Variants in PCDHGB3 observed in about 807,000 individuals in gnomAD.
PCDHGB3 encodes protocadherin gamma-B3.
In PCDHGB3, 40 loss-of-function variants were observed where a neutral mutation model predicts 59.2. That is an observed-to-expected ratio of 0.68 (90% CI 0.52 to 0.88). The LOEUF (loss-of-function observed/expected upper bound fraction) is 0.88. PCDHGB3 is among the 40% of genes least tolerant of loss of function. The probability of loss-of-function intolerance (pLI) is 0.00; values close to 1 mark genes in which losing one functional copy is unlikely to be tolerated. For missense variants in PCDHGB3, 1,309 were observed against 1,187.9 expected, an observed-to-expected ratio of 1.10 and a Z score of -1.50; for synonymous variants, 581 against 503.6, an observed-to-expected ratio of 1.15 and a Z score of -2.06.
rs994878374 is a variant in PCDHGB3, at chr5:141,491,785, C to T, written c.2416-3022C>T. ...TCCTCATAAGGGATTGAACTTGCAT[C>T]CACTCCTCTCCGGCCGGCTTGGTCG... is the stretch of plus-strand genomic sequence containing the variant. On this transcript the variant is annotated intron_variant, in intron 1 of 3. Transcript: ENST00000576222. The surrounding 1 kb of genome is among the most constrained non-coding windows in gnomAD (Gnocchi z 6.9). 20 of 1,529,458 alleles carry T rather than the reference C, an allele frequency of 1.3e-5. No individual in the cohort carries two copies. Among genetic ancestry groups the T allele is most frequent in the Non-Finnish European group, 1.8e-5 (20 of 1,139,198 alleles). The allele number at this position is 1,529,458 out of a possible 1,614,324, so 94.7% of individuals were successfully genotyped here. A position where few individuals can be genotyped will look rare whatever the true frequency, so the allele number is the denominator to read the frequency against.
chr5:141,422,056 G>C lies in PCDHGB3; in HGVS notation c.2415+49247G>C, dbSNP rs1003977721. 1.2e-6 allele frequency: 2 copies of C among 1,611,816 alleles called. No individual in the cohort carries two copies. The highest frequency in any genetic ancestry group is 2.7e-5 in the African/African-American group (2 of 74,764). ...GGATCCAGACGAGGGAATCAACGGG[G>C]AAGTAATGTATTCATTTCGGAACAT... On this transcript the variant is annotated intron_variant, in intron 1 of 3. Transcript: ENST00000576222.
intron 2 of PCDHGB3, among the ~76,000 whole-genome samples, chr5:141,496,557 C>T (rs190275684): frequency 2.0e-5 from 3 of 152,258 alleles, no homozygotes; most frequent in Admixed American, 1.3e-4. Flanking sequence ...TGGGCATGCA[C>T]AGTCCTGTCA....
chr5:141,424,232 C>A (rs182055138), intron 1 of PCDHGB3: 1 of 158,642 alleles, frequency 6.3e-6, no homozygotes, highest in East Asian at 1.9e-4. Context: ...TATTTTGATT[C>A]TTGGTGGCTG....
intron 1 of PCDHGB3, chr5:141,405,186 G>A (rs762537440): frequency 6.2e-6 from 10 of 1,612,892 alleles, no homozygotes; most frequent in Non-Finnish European, 8.5e-6. Context: ...GGTGTAGATG[G>A]GGTTCGAGCT....
In PCDHGB3 at chr5:141,485,896, C is replaced by T; in HGVS notation, c.2416-8911C>T. On this transcript the variant is annotated intron_variant, in intron 1 of 3. Coordinates refer to ENST00000576222, the MANE Select transcript of PCDHGB3 (RefSeq NM_018924.5). The surrounding 1 kb of genome is among the most constrained non-coding windows in gnomAD (Gnocchi z 5.7). ...TGGACGTAAACGACAACGCCCCAGC[C>T]TTCCAGCAATCCAGCTACAGGATTA... 6.2e-7 allele frequency: 1 copy of T among 1,614,190 alleles called. No individual in the cohort carries two copies. The highest frequency in any genetic ancestry group is 8.5e-7 in the Non-Finnish European group (1 of 1,180,042).
At chr5:141,422,307 C>T in intron 1 of PCDHGB3, 4 of 1,547,552 alleles carry the variant, frequency 2.6e-6, no homozygotes, top group South Asian at 1.3e-5. Flanking sequence ...TTCTGGAAAA[C>T]TCTCCTCCAG....
chr5:141,374,708 C>T (rs974732178), intron 1 of PCDHGB3: 3 of 1,609,146 alleles, frequency 1.9e-6, no homozygotes, highest in South Asian at 2.2e-5. Flanking sequence ...AGCCGTTTAC[C>T]GCCTGGTCCT....
chr5:141,461,138 C>T (rs1416058747), intron 1 of PCDHGB3, among the ~76,000 whole-genome samples: 1 of 151,942 alleles, frequency 6.6e-6, no homozygotes, highest in East Asian at 1.9e-4. Flanking sequence ...ACTTATTTTC[C>T]TTTGGGTAGA....
At chr5:141,454,796 A>ATTTTTTTTTTTTTTTTTTTTTTTT (rs61612330) in intron 1 of PCDHGB3, among the ~76,000 whole-genome samples, 4 of 77,456 alleles carry the variant, frequency 5.2e-5, no homozygotes, top group Non-Finnish European at 9.3e-5. Flanking sequence ...CATGGTTCTA[A>ATTTTTTTTTTTTTTTTTTTTTTTT]TTTTTTTTTT....
chr5:141,444,640 G>A (rs192148868), intron 1 of PCDHGB3, among the ~76,000 whole-genome samples: 3 of 152,196 alleles, frequency 2.0e-5, no homozygotes, highest in Non-Finnish European at 2.9e-5. Flanking sequence ...GTTCATTGAG[G>A]TAGGGGTTGA....
chr5:141,392,542 A>C (rs2092551305), intron 1 of PCDHGB3: 1 of 323,320 alleles, frequency 3.1e-6, no homozygotes, highest in African/African-American at 2.1e-5. Flanking sequence ...ATTTAGAAGT[A>C]ATCTGTATCT....
chr5:141,392,713 G>A, intron 1 of PCDHGB3: 3 of 1,363,444 alleles, frequency 2.2e-6, no homozygotes, highest in Non-Finnish European at 2.9e-6. Context: ...AGGCACTCCA[G>A]GTTTCCGGAG....
At chr5:141,463,784 T>G (rs2099069378) in intron 1 of PCDHGB3, among the ~76,000 whole-genome samples, 1 of 152,194 alleles carries the variant, frequency 6.6e-6, no homozygotes, top group South Asian at 2.1e-4. Context: ...CTGCACTGTC[T>G]TTTGAACAAA....
intron 1 of PCDHGB3, chr5:141,374,361 A>G (rs1418865389): frequency 6.2e-7 from 1 of 1,614,016 alleles, no homozygotes; most frequent in East Asian, 2.2e-5. Flanking sequence ...ATAGACCGCG[A>G]GGAGCTCTGT....
intron 1 of PCDHGB3, chr5:141,421,683 A>G (rs1238944281): frequency 1.2e-6 from 2 of 1,613,758 alleles, no homozygotes; most frequent in African/African-American, 1.3e-5. Flanking sequence ...CTGGGGCGCG[A>G]TTTGCTCTTC....
intron 1 of PCDHGB3, among the ~76,000 whole-genome samples, chr5:141,401,937 T>A (rs531669581): frequency 2.6e-5 from 4 of 152,356 alleles, no homozygotes; most frequent in African/African-American, 7.2e-5. Flanking sequence ...TAGAATAATG[T>A]TTAAGACCAC....
At chr5:141,375,738 T>C (rs1771822925) in intron 1 of PCDHGB3, 2 of 1,614,130 alleles carry the variant, frequency 1.2e-6, no homozygotes, top group African/African-American at 2.7e-5. Context: ...AGCCTGTTTG[T>C]GCTGGACCAG....
intron 1 of PCDHGB3, among the ~76,000 whole-genome samples, chr5:141,492,949 A>G (rs1470301496): frequency 6.6e-6 from 1 of 152,226 alleles, no homozygotes; most frequent in African/African-American, 2.4e-5. Flanking sequence ...GGAGGTGACC[A>G]AACTATCTGA....
intron 1 of PCDHGB3, chr5:141,414,233 T>C: frequency 1.2e-6 from 2 of 1,613,474 alleles, no homozygotes; most frequent in African/African-American, 2.7e-5. Context: ...GAGCTGACCA[T>C]CACGTCTCTA....
Sources: gnomAD v4.1 joint callset for allele counts (sites outside exome capture counted in the v4.1 genomes callset) on GRCh38, gnomAD v4.1.1 for gene constraint, Gnocchi (gnomAD v3.1) non-coding constraint, MANE v1.5 for transcripts, NCBI Gene and HGNC (gene_info 2026-07-23, HGNC 2026-07-21) for gene names.